The following FSTL4 variants were observed in gnomAD, a reference collection of about 807,000 sequenced individuals.
The protein encoded by FSTL4 is follistatin like 4.
A neutral mutation model predicts 78.2 loss-of-function variants in FSTL4; 28 were observed. That is an observed-to-expected ratio of 0.36 (90% CI 0.27 to 0.49). The LOEUF (loss-of-function observed/expected upper bound fraction) is 0.49. FSTL4 is among the 20% of genes least tolerant of loss of function. FSTL4 has a pLI of 0.98. For missense variants in FSTL4, 922 were observed against 1,084.9 expected, an observed-to-expected ratio of 0.85 and a Z score of 2.11; for synonymous variants, 422 against 440.5, an observed-to-expected ratio of 0.96 and a Z score of 0.53.
At chr5:133,517,362 G>C (rs1281600878) in intron 3 of FSTL4, among the ~76,000 whole-genome samples, 2 of 135,348 alleles carry the variant, frequency 1.5e-5, no homozygotes, top group Non-Finnish European at 3.1e-5. Flanking sequence ...GGTGGAGGTT[G>C]CATTAAGCCG....
chr5:133,650,891 T>C, the FSTL4 span, among the ~76,000 whole-genome samples: 1 of 152,218 alleles, frequency 6.6e-6, no homozygotes, highest in East Asian at 1.9e-4. Flanking sequence ...ACATGAAATA[T>C]CTCTTCATTT....
chr5:133,636,548 G>A, the FSTL4 span, among the ~76,000 whole-genome samples: 1 of 152,148 alleles, frequency 6.6e-6, no homozygotes, highest in African/African-American at 2.4e-5. Flanking sequence ...CTGAGACAAG[G>A]CATCTAACCT....
At chr5:133,678,909 G>A in the FSTL4 span, among the ~76,000 whole-genome samples, 1 of 152,130 alleles carries the variant, frequency 6.6e-6, no homozygotes, top group Non-Finnish European at 1.5e-5. Flanking sequence ...GGCGTGGCAG[G>A]ATACGGACAG....
At chr5:133,354,392 T>G (rs1754897930) in intron 4 of FSTL4, among the ~76,000 whole-genome samples, 1 of 152,194 alleles carries the variant, frequency 6.6e-6, no homozygotes, top group South Asian at 2.1e-4. Context: ...CAAAGATGGA[T>G]GGAGATGACT....
At chr5:133,766,796 C>T in the FSTL4 span, among the ~76,000 whole-genome samples, 53 of 152,290 alleles carry the variant, frequency 3.5e-4, no homozygotes, top group African/African-American at 1.2e-3. Flanking sequence ...AGACAGACAT[C>T]AAATCCAACA....
At chr5:133,651,169 T>G in the FSTL4 span, among the ~76,000 whole-genome samples, 1 of 152,176 alleles carries the variant, frequency 6.6e-6, no homozygotes, top group East Asian at 1.9e-4. Context: ...TAGATGATCA[T>G]GTCATCTGCA....
intron 3 of FSTL4, among the ~76,000 whole-genome samples, chr5:133,564,483 T>G (rs1023632045): frequency 7.2e-5 from 11 of 152,226 alleles, no homozygotes; most frequent in Non-Finnish European, 1.6e-4. Flanking sequence ...AAAGCAAATG[T>G]GTAGCTTGCA....
In FSTL4 at chr5:133,612,260, C is replaced by G. The variant is rs1761114706; in HGVS notation, c.-11+65G>C. The G allele has an allele frequency of 1.3e-5, 2 of 151,530 alleles. No individual in the cohort carries two copies. Among genetic ancestry groups the G allele is most frequent in the Admixed American group, 6.5e-5 (1 of 15,270 alleles). The allele number at this position is 151,530 out of a possible 1,614,324, so 9.4% of individuals were successfully genotyped here. A position where few individuals can be genotyped will look rare whatever the true frequency, so the allele number is the denominator to read the frequency against. On this transcript the variant is annotated intron_variant, in intron 1 of 15. Coordinates refer to ENST00000265342, the MANE Select transcript of FSTL4 (RefSeq NM_015082.2). This position sits in a 1 kb window ranked among gnomAD's most constrained non-coding sequence, Gnocchi z 6.2. Reference sequence around the variant, plus strand: ...GGACCCCAGTGGGGTGCAGCGGGACCGGCTGGTGGCGGCGCCAGCGACATG... The same window carrying G: ...GGACCCCAGTGGGGTGCAGCGGGACGGGCTGGTGGCGGCGCCAGCGACATG...
At chr5:133,713,489 A>G in the FSTL4 span, among the ~76,000 whole-genome samples, 11 of 152,212 alleles carry the variant, frequency 7.2e-5, no homozygotes, top group Admixed American at 6.5e-4. Flanking sequence ...GATGCAGAGA[A>G]CTTGAGATTG....
intron 3 of FSTL4, among the ~76,000 whole-genome samples, chr5:133,539,246 T>C (rs751651599): frequency 2.0e-5 from 3 of 151,690 alleles, no homozygotes; most frequent in Non-Finnish European, 2.9e-5. Context: ...AAAATCAATC[T>C]GCTATGATCC....
At chr5:133,613,451 C>T (rs1308301424), upstream of FSTL4, among the ~76,000 whole-genome samples, 1 of 152,048 alleles carries the variant, frequency 6.6e-6, no homozygotes, top group Admixed American at 6.6e-5. Flanking sequence ...CTCTCCTGGC[C>T]GGGGGGAGGT....
At position 133,361,140 on chromosome 5, in the gene FSTL4, G is replaced by A. The variant is rs889712967; in HGVS notation, c.409+39598C>T. On this transcript the variant is annotated intron_variant, in intron 4 of 15. Coordinates refer to ENST00000265342, the MANE Select transcript of FSTL4 (RefSeq NM_015082.2). This position sits in a 1 kb window ranked among gnomAD's most constrained non-coding sequence, Gnocchi z 4.3. Reference sequence around the variant, plus strand: ...TAACTTTTTCTGAGCCCTTGAAGCCGAGAGCAAGTCTGAAACATGATTCCC... The same window carrying A: ...TAACTTTTTCTGAGCCCTTGAAGCCAAGAGCAAGTCTGAAACATGATTCCC... 6.6e-6 allele frequency among the ~76,000 whole-genome samples: 1 copy of A among 152,144 alleles called. No homozygotes were observed. Among genetic ancestry groups the A allele is most frequent in the Admixed American group, 6.5e-5 (1 of 15,276 alleles).
At chr5:133,434,514 T>G (rs1757001860) in intron 3 of FSTL4, among the ~76,000 whole-genome samples, 1 of 152,238 alleles carries the variant, frequency 6.6e-6, no homozygotes, top group Non-Finnish European at 1.5e-5. Flanking sequence ...AACCAGTCAC[T>G]GCTTGACATT....
chr5:133,574,695 GAACAGATA>G (rs1760237073), intron 2 of FSTL4: 1 of 152,186 alleles, frequency 6.6e-6, no homozygotes, highest in South Asian at 2.1e-4. Flanking sequence ...ACCAATGGTG[GAACAGATA>G]AACTGTGGCA....
the FSTL4 span, among the ~76,000 whole-genome samples, chr5:133,625,760 C>CATATATATTCCATATATATATATTCCAT: frequency 2.7e-4 from 5 of 18,472 alleles, 2 homozygotes; most frequent in South Asian, 9.7e-3. Flanking sequence ...ATATATATTC[C>CATATATATTCCATATATATATATTCCAT]ATATATATTC....
At chr5:133,459,401 G>A (rs1561725289) in intron 3 of FSTL4, among the ~76,000 whole-genome samples, 1 of 152,094 alleles carries the variant, frequency 6.6e-6, no homozygotes, top group Non-Finnish European at 1.5e-5. Flanking sequence ...GAGTCACTCA[G>A]TATTTAGGAC....
intron 4 of FSTL4, among the ~76,000 whole-genome samples, chr5:133,324,946 A>G (rs573627417): frequency 6.6e-6 from 1 of 152,368 alleles, no homozygotes; most frequent in South Asian, 2.1e-4. Context: ...GGACAACCCA[A>G]AACCTGCAAT....
intron 3 of FSTL4, among the ~76,000 whole-genome samples, chr5:133,488,665 T>C (rs1256526949): frequency 1.3e-5 from 2 of 152,224 alleles, no homozygotes; most frequent in Admixed American, 1.3e-4. Flanking sequence ...CTATTAAAAA[T>C]GTAGATTTGG....
At chr5:133,660,567 G>T in the FSTL4 span, among the ~76,000 whole-genome samples, 1 of 152,134 alleles carries the variant, frequency 6.6e-6, no homozygotes, top group Non-Finnish European at 1.5e-5. Context: ...ATGGAGTTAC[G>T]TGTCTACAGC....
Sources: allele counts gnomAD v4.1 joint callset (sites outside exome capture counted in the v4.1 genomes callset), GRCh38; gene constraint gnomAD v4.1.1; non-coding constraint Gnocchi (gnomAD v3.1); transcripts MANE v1.5; gene names NCBI Gene and HGNC (gene_info 2026-07-23, HGNC 2026-07-21).